Variants in FAM135B observed in about 807,000 individuals in gnomAD.
FAM135B encodes protein FAM135B.
A neutral mutation model predicts 127.7 loss-of-function variants in FAM135B; 43 were observed. That is an observed-to-expected ratio of 0.34 (90% CI 0.26 to 0.43). FAM135B has a LOEUF of 0.43. Among genes scored for constraint, FAM135B ranks in the 20% least tolerant of loss-of-function variants. The probability of loss-of-function intolerance (pLI) is 1.00; values close to 1 mark genes in which losing one functional copy is unlikely to be tolerated. For synonymous variants in FAM135B, 670 were observed against 665.1 expected (o/e 1.01, Z -0.11); for missense variants, 1,558 against 1,725.6 (o/e 0.90, Z 1.72).
chr8:138,359,342 T>C (rs1208329656), intron 2 of FAM135B, among the ~76,000 whole-genome samples: 2 of 152,184 alleles, frequency 1.3e-5, no homozygotes, highest in Admixed American at 1.3e-4. Flanking sequence ...AGGAATGGAT[T>C]GGCTTGAACA....
chr8:138,373,693 T>A (rs894934144), intron 1 of FAM135B, among the ~76,000 whole-genome samples: 2 of 151,998 alleles, frequency 1.3e-5, no homozygotes, highest in African/African-American at 2.4e-5. Context: ...GCAAGGAACA[T>A]CCCTGAGAAA....
intron 2 of FAM135B, among the ~76,000 whole-genome samples, chr8:138,341,422 C>T (rs1829038412): frequency 6.6e-6 from 1 of 152,158 alleles, no homozygotes; most frequent in East Asian, 1.9e-4. Flanking sequence ...AAGGCAGGAA[C>T]TGGGTTAGTT....
intron 1 of FAM135B, among the ~76,000 whole-genome samples, chr8:138,372,695 G>A (rs372000271): frequency 5.9e-5 from 9 of 152,112 alleles, no homozygotes; most frequent in Admixed American, 1.3e-4. Flanking sequence ...CTTTCAATAC[G>A]CGCAGACTAT....
chr8:138,456,240 G>A (rs1433316979), intron 1 of FAM135B, among the ~76,000 whole-genome samples: 1 of 152,188 alleles, frequency 6.6e-6, no homozygotes, highest in Admixed American at 6.5e-5. Context: ...ATATCACTGG[G>A]TATGTAGCTG....
At chr8:138,381,894 G>T (rs1357085309) in intron 1 of FAM135B, among the ~76,000 whole-genome samples, 1 of 152,066 alleles carries the variant, frequency 6.6e-6, no homozygotes, top group Non-Finnish European at 1.5e-5. Flanking sequence ...AGTAACGGGT[G>T]GTGTCTCAAC....
chr8:138,416,365 TTACATAA>T (rs1365191045), intron 1 of FAM135B, among the ~76,000 whole-genome samples: 2 of 152,214 alleles, frequency 1.3e-5, no homozygotes, highest in African/African-American at 2.4e-5. Flanking sequence ...GGCATGTGAC[TTACATAA>T]TACATAAGAC....
chr8:138,308,042 C>T (rs973694402), intron 3 of FAM135B, among the ~76,000 whole-genome samples: 2 of 152,168 alleles, frequency 1.3e-5, no homozygotes, highest in Admixed American at 6.5e-5. Context: ...AGTCTATTTC[C>T]GTTCCCCTGG....
intron 8 of FAM135B, among the ~76,000 whole-genome samples, chr8:138,196,084 C>T (rs1816604971): frequency 6.6e-6 from 1 of 152,200 alleles, no homozygotes. Flanking sequence ...TTAGTCACGG[C>T]TATGTATCCT....
chr8:138,160,766 G>A (rs1272645587), intron 12 of FAM135B, among the ~76,000 whole-genome samples: 1 of 152,118 alleles, frequency 6.6e-6, no homozygotes, highest in Non-Finnish European at 1.5e-5. Context: ...TTGATCTCTG[G>A]GTAGTTAGCG....
rs779550865 is a variant in FAM135B, at chr8:138,139,005, G to A, written c.3882C>T (p.Tyr1294=). 8 of 1,612,572 alleles carry A rather than the reference G, an allele frequency of 5.0e-6. No individual in the cohort carries two copies. The highest frequency in any genetic ancestry group is 1.3e-5 in the African/African-American group (1 of 74,882). Residue 1294 remains tyrosine, a synonymous_variant, in exon 18 of 20, where the codon TAC becomes TAT. Transcript: ENST00000395297. ...ACTGACCTGTTTTTTGGCTTAGTTG[G>A]TAGAGGAAACATTTGCGCAAATCAG... ...DNADLRKCFL[Y]QLSQKTGLQY...
Position 138,242,912 on chromosome 8 carries a change from T to C in FAM135B, c.669+30A>G. 4 of 1,594,220 alleles carry C rather than the reference T, an allele frequency of 2.5e-6. No individual in the cohort carries two copies. The highest frequency in any genetic ancestry group is 3.4e-6 in the Non-Finnish European group (4 of 1,172,962). On this transcript the variant is annotated intron_variant, in intron 7 of 19. Transcript: ENST00000395297. This position sits in a 1 kb window ranked among gnomAD's most constrained non-coding sequence, Gnocchi z 9.6. ...ACTCTGCAAAGTAAAGTTTGAAAGT[T>C]TTGAAGCAACTGCCCCACACAGGCC...
In FAM135B at chr8:138,168,110, C is replaced by T. The variant is rs2130905092; in HGVS notation, c.1104-61G>A. 4 of 1,522,054 alleles carry T rather than the reference C, an allele frequency of 2.6e-6. No homozygotes were observed. In the Admixed American group the frequency reaches 8.1e-5, roughly 31 times the overall value. The allele number at this position is 1,522,054 out of a possible 1,614,324, so 94.3% of individuals were successfully genotyped here. ...GAGTCAGAGGTTTCCAAACCGTTGC[C>T]CCCTCTTCCTAATCCCGGGAAAATA... On this transcript the variant is annotated intron_variant, in intron 11 of 19. Coordinates refer to ENST00000395297, the MANE Select transcript of FAM135B (RefSeq NM_015912.4).
At chr8:138,302,246 T>A (rs1408579478) in intron 3 of FAM135B, among the ~76,000 whole-genome samples, 2 of 152,074 alleles carry the variant, frequency 1.3e-5, no homozygotes, top group African/African-American at 4.8e-5. Flanking sequence ...AGGCTTCTGA[T>A]TCTAGAATCT....
At chr8:138,339,839 G>A (rs1048178354) in intron 2 of FAM135B, among the ~76,000 whole-genome samples, 1 of 152,180 alleles carries the variant, frequency 6.6e-6, no homozygotes, top group African/African-American at 2.4e-5. Context: ...ACTCCAAAGA[G>A]AGGGGTTCCG....
intron 3 of FAM135B, among the ~76,000 whole-genome samples, chr8:138,310,582 C>G (rs1456434427): frequency 1.3e-5 from 2 of 152,218 alleles, no homozygotes; most frequent in Non-Finnish European, 2.9e-5. Flanking sequence ...TTTAACCAAC[C>G]CTCCACAGCC....
intron 12 of FAM135B, among the ~76,000 whole-genome samples, chr8:138,154,620 C>T (rs753652722): frequency 2.0e-5 from 3 of 151,940 alleles, no homozygotes; most frequent in Non-Finnish European, 4.4e-5. Context: ...GAGCTGAAAA[C>T]CATGGCATGA....
At chr8:138,178,730 C>A (rs372851457) in intron 9 of FAM135B, 40 bp from the exon 10 acceptor site, 26 of 1,583,072 alleles carry the variant, frequency 1.6e-5, no homozygotes, top group Middle Eastern at 1.7e-4. Flanking sequence ...GCTCCTGACT[C>A]CATGAAGTCA....
intron 1 of FAM135B, among the ~76,000 whole-genome samples, chr8:138,416,861 A>G (rs1265012187): frequency 6.6e-6 from 1 of 152,102 alleles, no homozygotes; most frequent in African/African-American, 2.4e-5. Context: ...CCCTGCATGG[A>G]GTTGCCAAGC....
intron 1 of FAM135B, among the ~76,000 whole-genome samples, chr8:138,434,535 G>A (rs1282646324): frequency 2.0e-5 from 3 of 152,208 alleles, no homozygotes; most frequent in Admixed American, 2.0e-4. Flanking sequence ...ATTAAAGAGT[G>A]TCAGACACCA....
Sources: gnomAD v4.1 joint callset for allele counts (sites outside exome capture counted in the v4.1 genomes callset) on GRCh38, gnomAD v4.1.1 for gene constraint, Gnocchi (gnomAD v3.1) non-coding constraint, MANE v1.5 for transcripts, NCBI Gene and HGNC (gene_info 2026-07-23, HGNC 2026-07-21) for gene names.